Variants in H6PD observed in about 807,000 individuals in gnomAD.
The protein encoded by H6PD is GDH/6PGL endoplasmic bifunctional protein.
A neutral mutation model predicts 61.2 loss-of-function variants in H6PD; 48 were observed. The ratio of observed to expected loss-of-function variants is 0.78; its 90% CI spans 0.62 to 1.00. The LOEUF is 1.00. Ranked by LOEUF, H6PD falls within the 50% of genes least tolerant of loss-of-function variation. The pLI, the probability that H6PD is intolerant of heterozygous loss-of-function variation, is 0.00. For missense variants in H6PD, 1,093 were observed against 1,065.0 expected, an observed-to-expected ratio of 1.03 and a Z score of -0.37; for synonymous variants, 480 against 457.9, an observed-to-expected ratio of 1.05 and a Z score of -0.62.
Position 9,245,351 on chromosome 1 carries a change from C to T in H6PD, c.417C>T (p.Ile139=), listed in dbSNP as rs766467918. 1.9e-6 allele frequency: 3 copies of T among 1,614,150 alleles called. No homozygotes were observed. In the South Asian group the frequency reaches 3.3e-5, roughly 18 times the overall value. ...CAGGCCTCCGGGAGGCTGGCAGGAT[C>T]TTCTACTTCTCAGTGCCACCCTTCG... is the stretch of plus-strand genomic sequence containing the variant. ...QHAGLREAGR[I]FYFSVPPFAY... Residue 139 remains isoleucine, a synonymous_variant, in exon 2 of 5, where the codon ATC becomes ATT. Transcript: ENST00000377403. This position sits in a 1 kb window ranked among gnomAD's most constrained non-coding sequence, Gnocchi z 4.8.
chr1:9,248,798 A>G (rs188449153), intron 3 of H6PD, among the ~76,000 whole-genome samples: 1 of 152,250 alleles, frequency 6.6e-6, no homozygotes, highest in East Asian at 1.9e-4. Flanking sequence ...CCCACAGCAG[A>G]AAAGAGGCCC....
chr1:9,246,791 G>A (rs945754815), intron 2 of H6PD, among the ~76,000 whole-genome samples, 175 bp from the exon 3 acceptor site: 1 of 152,098 alleles, frequency 6.6e-6, no homozygotes, highest in Non-Finnish European at 1.5e-5. Flanking sequence ...GAGGTCACTT[G>A]CAAGTTTTTG....
chr1:9,264,757 C>T lies in H6PD; in HGVS notation c.2264C>T (p.Thr755Ile), dbSNP rs2100407862. ...LVMGRMKREITTLVSRVGHEP... is the reference protein window; with the variant it reads ...LVMGRMKREIITLVSRVGHEP... ...ATGGGCAGGATGAAGCGTGAGATCACCACGCTGGTGAGCCGGGTGGGCCAT... is the reference window on the plus strand; with the variant it reads ...ATGGGCAGGATGAAGCGTGAGATCATCACGCTGGTGAGCCGGGTGGGCCAT... The change falls in exon 5 of 5, where the codon ACC becomes ATC. Residue 755 changes from threonine to isoleucine, a missense_variant. By Grantham distance (89) the Thr-to-Ile change is moderately conservative (BLOSUM62 -1). Transcript: ENST00000377403. 6.2e-7 allele frequency: 1 copy of T among 1,613,022 alleles called. No homozygotes were observed. The highest frequency in any genetic ancestry group is 1.1e-5 in the South Asian group (1 of 91,084).
intron 1 of H6PD, chr1:9,239,945 A>G: frequency 8.2e-7 from 1 of 1,221,642 alleles, no homozygotes; most frequent in African/African-American, 1.6e-5. Flanking sequence ...TGTGAGAACA[A>G]AGGCCGGAAC....
intron 3 of H6PD, among the ~76,000 whole-genome samples, chr1:9,247,634 C>T (rs1450787448): frequency 1.3e-5 from 2 of 152,220 alleles, no homozygotes; most frequent in Admixed American, 1.3e-4. Context: ...CTTGTCCACC[C>T]TGTCTCTTCT....
In H6PD at chr1:9,245,264, A is replaced by ACTGAAGACGGCCGAGGACTATCAGGCC. The variant is rs752410464; in HGVS notation, c.336_362dup (p.Lys112_Leu120dup). The ACTGAAGACGGCCGAGGACTATCAGGCC allele has an allele frequency of 9.3e-6, 15 of 1,614,180 alleles. 1 individual carries two copies. The Admixed American group carries it at 2.0e-4, about 22-fold the overall frequency. The stretch of plus-strand genomic sequence containing the variant: ...TCCTGCAGCTGAGCCAGTACCGCCA[A>ACTGAAGACGGCCGAGGACTATCAGGCC]CTGAAGACGGCCGAGGACTATCAGG... On this transcript the variant is annotated inframe_insertion, in exon 2 of 5. Transcript: ENST00000377403. The surrounding 1 kb of genome is among the most constrained non-coding windows in gnomAD (Gnocchi z 4.8).
intron 3 of H6PD, among the ~76,000 whole-genome samples, chr1:9,260,539 T>A (rs193014736): frequency 2.4e-4 from 37 of 152,324 alleles, no homozygotes; most frequent in African/African-American, 8.7e-4. Flanking sequence ...ACGTTGCTGC[T>A]GTTATGTTGC....
intron 1 of H6PD, among the ~76,000 whole-genome samples, chr1:9,237,359 A>G (rs1370635393): frequency 1.4e-5 from 2 of 146,072 alleles, no homozygotes; most frequent in African/African-American, 2.6e-5. Context: ...CAGCCTCCCA[A>G]GTAGCTGGGA....
Position 9,262,189 on chromosome 1 carries a change from C to T in H6PD, c.876C>T (p.His292=), listed in dbSNP as rs1177386142. Residue 292 remains histidine, a synonymous_variant, in exon 4 of 5, where the codon CAC becomes CAT. Transcript: ENST00000377403. ...GCAGTGCGGAGGCTGTGCTGCGGCA[C>T]AAGCTTCAGGTCTTCCAGGCGCTGC... ...NVSSAEAVLR[H]KLQVFQALRG... 1 of 1,614,228 alleles carries T rather than the reference C, an allele frequency of 6.2e-7. No individual in the cohort carries two copies. The highest frequency in any genetic ancestry group is 8.5e-7 in the Non-Finnish European group (1 of 1,180,036).
rs1215040081 is a variant in H6PD, at chr1:9,263,648, C to T, written c.1155C>T (p.His385=). 2 of 1,614,072 alleles carry T rather than the reference C, an allele frequency of 1.2e-6. No individual in the cohort carries two copies. The highest frequency in any genetic ancestry group is 1.7e-6 in the Non-Finnish European group (2 of 1,180,042). The stretch of plus-strand genomic sequence containing the variant: ...CCTGCTGTGTGCAGAGCGAAAAGCA[C>T]TGGGCCGCGGCGCAGAGCCAGTGCC... ...NQACCVQSEK[H]WAAAQSQCLP... The change falls in exon 5 of 5, where the codon CAC becomes CAT. Residue 385 remains histidine, a synonymous_variant. Coordinates refer to ENST00000377403, the MANE Select transcript of H6PD (RefSeq NM_004285.4).
chr1:9,259,455 T>C (rs1641643343), intron 3 of H6PD, among the ~76,000 whole-genome samples: 1 of 152,216 alleles, frequency 6.6e-6, no homozygotes. Context: ...GTTAAGCCAG[T>C]GTTGTTATGT....
chr1:9,264,666 C>T lies in H6PD; in HGVS notation c.2173C>T (p.Pro725Ser), dbSNP rs751515013. Residue 725 changes from proline to serine, a missense_variant, in exon 5 of 5, where the codon CCA becomes TCA. Pro to Ser is a moderately conservative substitution (Grantham distance 74, BLOSUM62 -1). Coordinates refer to ENST00000377403, the MANE Select transcript of H6PD (RefSeq NM_004285.4). ...CGTGCTGACCACGAGCCCCTCCCAG[C>T]CACACCGCCGCATGAGCCTTAGCCT... ...LVVLTTSPSQ[P>S]HRRMSLSLPL... is the part of the protein sequence containing the mutation. The T allele has an allele frequency of 1.4e-5, 23 of 1,613,102 alleles. No homozygotes were observed. Among genetic ancestry groups the T allele is most frequent in the Non-Finnish European group, 1.9e-5 (23 of 1,179,978 alleles).
At chr1:9,250,717 C>T (rs1390691055) in intron 3 of H6PD, among the ~76,000 whole-genome samples, 1 of 152,168 alleles carries the variant, frequency 6.6e-6, no homozygotes, top group East Asian at 1.9e-4. Flanking sequence ...GGGCTGCAAG[C>T]CAGGCCTGGG....
intron 4 of H6PD, 98 bp from the exon 5 acceptor site, chr1:9,263,411 A>AGTGAGGC: frequency 8.6e-7 from 1 of 1,167,916 alleles, no homozygotes; most frequent in South Asian, 1.2e-5. Flanking sequence ...TCCCTGAGGC[A>AGTGAGGC]GGGGGACGCC....
rs143602062 is a variant in H6PD, at chr1:9,264,362, C to T, written c.1869C>T (p.Cys623=). The T allele has an allele frequency of 7.4e-5, 119 of 1,612,586 alleles. No individual in the cohort carries two copies. Among genetic ancestry groups the T allele is most frequent in the Middle Eastern group, 1.6e-4 (1 of 6,084 alleles). Residue 623 remains cysteine, a synonymous_variant, in exon 5 of 5, where the codon TGC becomes TGT. Coordinates refer to ENST00000377403, the MANE Select transcript of H6PD (RefSeq NM_004285.4). ...HTHLWLVDER[C]VPLSDPESNF... ...ACCTGTGGCTGGTTGACGAGCGCTG[C>T]GTCCCACTCTCAGACCCGGAGTCCA...
At chr1:9,250,302 C>T (rs1429785785) in intron 3 of H6PD, among the ~76,000 whole-genome samples, 1 of 152,098 alleles carries the variant, frequency 6.6e-6, no homozygotes, top group Non-Finnish European at 1.5e-5. Flanking sequence ...GTTTCCAAGG[C>T]AGGATTCGGA....
intron 3 of H6PD, among the ~76,000 whole-genome samples, chr1:9,258,867 ATGT>A (rs1401677443): frequency 5.4e-5 from 8 of 147,560 alleles, no homozygotes; most frequent in African/African-American, 7.9e-5. Context: ...TACTGTTGTT[ATGT>A]TGTTGTTACG....
rs892747450 is a variant in H6PD at position 9,247,264 on chromosome 1, G to T, written c.745+181G>T. On this transcript the variant is annotated intron_variant, in intron 3 of 4. Coordinates refer to ENST00000377403, the MANE Select transcript of H6PD (RefSeq NM_004285.4). ...GGGTGCCGGCTGCAAAGCCCAAGTA[G>T]CCATTGCTGCCCATGAGGAGCGTAT... is the stretch of plus-strand genomic sequence containing the variant. Among the ~76,000 whole-genome samples the T allele has an allele frequency of 4.6e-5, 7 of 152,120 alleles. No homozygotes were observed. In the East Asian group the frequency reaches 1.3e-3, roughly 29 times the overall value.
chr1:9,249,626 G>T (rs1330372236), intron 3 of H6PD, among the ~76,000 whole-genome samples: 3 of 152,190 alleles, frequency 2.0e-5, no homozygotes, highest in African/African-American at 7.2e-5. Flanking sequence ...TCAGCCCAGG[G>T]GCAAAGGGAG....
Sources: gnomAD v4.1 joint callset for allele counts (sites outside exome capture counted in the v4.1 genomes callset) on GRCh38, gnomAD v4.1.1 for gene constraint, Gnocchi (gnomAD v3.1) non-coding constraint, MANE v1.5 for transcripts, NCBI Gene and HGNC (gene_info 2026-07-23, HGNC 2026-07-21) for gene names.